Variants in KAT7 observed in about 807,000 individuals in gnomAD.
KAT7 encodes histone acetyltransferase KAT7.
In KAT7, 10 loss-of-function variants were observed where a neutral mutation model predicts 82.1. That is an observed-to-expected ratio of 0.12 (90% confidence interval 0.08 to 0.21). KAT7 has a LOEUF of 0.21. Among genes scored for constraint, KAT7 ranks in the 10% least tolerant of loss-of-function variants. KAT7 has a pLI of 1.00. For synonymous variants in KAT7, 250 were observed against 262.5 expected, an observed-to-expected ratio of 0.95 and a Z score of 0.46; for missense variants, 378 against 760.9, an observed-to-expected ratio of 0.50 and a Z score of 5.92.
chr17:49,795,375 G>A (rs765272299), intron 2 of KAT7: 3 of 221,520 alleles, frequency 1.4e-5, no homozygotes, highest in Admixed American at 5.1e-5. Context: ...AGTTCCTGAC[G>A]GAGCTGACCA....
intron 6 of KAT7, 111 bp downstream of exon 6, chr17:49,809,319 C>T: frequency 1.4e-6 from 1 of 721,772 alleles, no homozygotes; most frequent in Non-Finnish European, 2.4e-6. Flanking sequence ...GGTATATCTT[C>T]CAGATGTAAA....
intron 12 of KAT7, 39 bp from the exon 13 acceptor site, chr17:49,825,961 G>T: frequency 6.3e-7 from 1 of 1,586,026 alleles, no homozygotes; most frequent in Non-Finnish European, 8.6e-7. Context: ...GGATAAGATC[G>T]AGTGTTGCTA....
At chr17:49,816,639 C>T (rs762464034) in intron 8 of KAT7, among the ~76,000 whole-genome samples, 4 of 152,154 alleles carry the variant, frequency 2.6e-5, no homozygotes, top group South Asian at 2.1e-4. Context: ...TTGGCAGAGG[C>T]AGGGTTTGCT....
chr17:49,811,030 C>T (rs2074156979), intron 6 of KAT7, among the ~76,000 whole-genome samples: 1 of 152,028 alleles, frequency 6.6e-6, no homozygotes, highest in African/African-American at 2.4e-5. Flanking sequence ...AATAAAATTG[C>T]CATATGATTT....
chr17:49,818,035 C>T (rs1435830118), intron 9 of KAT7, 24 bp downstream of exon 9: 1 of 1,593,412 alleles, frequency 6.3e-7, no homozygotes, highest in Non-Finnish European at 8.6e-7. Flanking sequence ...GGTTCCTCTG[C>T]CTTGACCATG....
chr17:49,810,990 C>A (rs1038226210), intron 6 of KAT7, among the ~76,000 whole-genome samples: 4 of 151,982 alleles, frequency 2.6e-5, no homozygotes, highest in African/African-American at 9.7e-5. Context: ...CAGAGCGAGA[C>A]CCTGCCTCAA....
chr17:49,816,851 G>T (rs2074241057), intron 8 of KAT7, among the ~76,000 whole-genome samples: 2 of 151,112 alleles, frequency 1.3e-5, no homozygotes, highest in Non-Finnish European at 2.9e-5. Flanking sequence ...TTGCCCTGTT[G>T]CCCAAACTGG....
At chr17:49,819,097 T>A (rs916590475) in intron 9 of KAT7, among the ~76,000 whole-genome samples, 4 of 152,176 alleles carry the variant, frequency 2.6e-5, no homozygotes, top group African/African-American at 9.7e-5. Flanking sequence ...TCTTTTTCCT[T>A]CCCCTTCCTT....
At position 49,833,530 on chromosome 17, in the gene KAT7, G is replaced by A. The variant is rs1459279578; in HGVS notation, c.*6028G>A. The A allele has an allele frequency of 2.0e-5, 3 of 152,216 alleles. No individual in the cohort carries two copies. Among genetic ancestry groups the A allele is most frequent in the African/African-American group, 7.2e-5 (3 of 41,432 alleles). 9.4% of individuals were successfully genotyped at this position (152,216 alleles called of 1,614,324 possible). ...TGACTTGTTTTGACTAATAGGATAT[G>A]GAAGTGATATTTTGGCAGCTTCCAC... On this transcript the variant is annotated 3_prime_UTR_variant, in exon 15 of 15. Transcript: ENST00000259021.
chr17:49,830,090 C>T lies in KAT7; in HGVS notation c.*2588C>T, dbSNP rs557451509. On this transcript the variant is annotated 3_prime_UTR_variant, in exon 15 of 15. Coordinates refer to ENST00000259021, the MANE Select transcript of KAT7 (RefSeq NM_007067.5). The stretch of plus-strand genomic sequence containing the variant: ...ACAGGGTTTCGTCATGTTGGTCAGG[C>T]TGATCTCGAACTCCTGACCTCAGGT... 6.6e-5 allele frequency: 10 copies of T among 151,260 alleles called. No homozygotes were observed. The highest frequency in any genetic ancestry group is 3.9e-4 in the East Asian group (2 of 5,132). The allele number at this position is 151,260 out of a possible 1,614,324, so 9.4% of individuals were successfully genotyped here.
chr17:49,818,800 G>A (rs1322713814), intron 9 of KAT7, among the ~76,000 whole-genome samples: 6 of 151,308 alleles, frequency 4.0e-5, no homozygotes. Flanking sequence ...GTGCAGTGGC[G>A]CGATCTTGGC....
At chr17:49,818,036 C>T (rs750895829) in intron 9 of KAT7, 25 bp downstream of exon 9, 1 of 1,592,118 alleles carries the variant, frequency 6.3e-7, no homozygotes, top group Admixed American at 1.7e-5. Context: ...GTTCCTCTGC[C>T]TTGACCATGA....
chr17:49,789,475 C>T (rs1384467838), intron 1 of KAT7: 1 of 152,288 alleles, frequency 6.6e-6, no homozygotes, highest in East Asian at 1.9e-4. Context: ...TTTGCTAGTT[C>T]GACAGCGCCT....
At chr17:49,813,679 G>A (rs180798123) in intron 7 of KAT7, among the ~76,000 whole-genome samples, 1 of 152,166 alleles carries the variant, frequency 6.6e-6, no homozygotes, top group African/African-American at 2.4e-5. Flanking sequence ...CTATTTACAT[G>A]GCATTGACAT....
chr17:49,796,801 A>T lies in KAT7; in HGVS notation c.215A>T (p.Tyr72Phe). Reference sequence around the variant, plus strand: ...TCTTTTGGCACTGAGGAGCCTGCTTACTCTACCAGAAGAGTGACCCGTAGT... The same window carrying T: ...TCTTTTGGCACTGAGGAGCCTGCTTTCTCTACCAGAAGAGTGACCCGTAGT... ...LQSFGTEEPA[Y>F]STRRVTRSQQ... is the part of the protein sequence containing the mutation. Residue 72 changes from tyrosine to phenylalanine, a missense_variant, in exon 3 of 15, where the codon TAC (tyrosine) becomes TTC (phenylalanine). Physicochemically the swap from Tyr to Phe is conservative, Grantham distance 22. Around this residue, in one of 6 missense-constraint regions of KAT7, gnomAD observed 161 missense variants for 229.6 expected, o/e 0.70. Coordinates refer to ENST00000259021, the MANE Select transcript of KAT7 (RefSeq NM_007067.5). The T allele has an allele frequency of 6.2e-7, 1 of 1,613,760 alleles. No individual in the cohort carries two copies. The highest frequency in any genetic ancestry group is 8.5e-7 in the Non-Finnish European group (1 of 1,179,864).
intron 1 of KAT7, among the ~76,000 whole-genome samples, chr17:49,791,153 CT>C (rs2073882995): frequency 6.6e-6 from 1 of 152,110 alleles, no homozygotes; most frequent in Admixed American, 6.5e-5. Flanking sequence ...TGCTTAAATT[CT>C]TTTGGGATTA....
At chr17:49,814,686 T>A (rs1332243385) in intron 7 of KAT7, among the ~76,000 whole-genome samples, 1 of 152,138 alleles carries the variant, frequency 6.6e-6, no homozygotes, top group African/African-American at 2.4e-5. Flanking sequence ...CCTCCTTGAT[T>A]AAAATGCTGG....
In KAT7 at chr17:49,811,572, A is replaced by G; in HGVS notation, c.850A>G (p.Met284Val). The G allele has an allele frequency of 1.4e-6, 2 of 1,450,956 alleles. No homozygotes were observed. The highest frequency in any genetic ancestry group is 1.8e-4 in the Middle Eastern group (1 of 5,532). The allele number at this position is 1,450,956 out of a possible 1,614,324, so 89.9% of individuals were successfully genotyped here. A position where few individuals can be genotyped will look rare whatever the true frequency, so the allele number is the denominator to read the frequency against. Residue 284 changes from methionine (M) to valine (V), a missense_variant and splice_region_variant, in exon 7 of 15, where the codon ATG becomes GTG. Met to Val is a conservative substitution (Grantham distance 21). Around this residue, in one of 6 missense-constraint regions of KAT7, gnomAD observed 102 missense variants for 129.8 expected, o/e 0.79. Transcript: ENST00000259021. ...GAGCAAAGAACAGAAAGAGAAATATATGGTGAGGGAAAGTTAAATATTTAA... is the reference window on the plus strand; with the variant it reads ...GAGCAAAGAACAGAAAGAGAAATATGTGGTGAGGGAAAGTTAAATATTTAA... ...GLSKEQKEKYMEHRQTYGNTR... is the reference protein window; with the variant it reads ...GLSKEQKEKYVEHRQTYGNTR...
chr17:49,792,142 A>G (rs1324351661), intron 2 of KAT7, 109 bp downstream of exon 2: 19 of 1,010,740 alleles, frequency 1.9e-5, no homozygotes, highest in Non-Finnish European at 2.6e-5. Context: ...GGTGTAGATG[A>G]CAGTGCACCA....
Sources: gnomAD v4.1 joint callset for allele counts (sites outside exome capture counted in the v4.1 genomes callset) on GRCh38, gnomAD v4.1.1 for gene constraint, gnomAD v4.1.1 regional missense constraint, MANE v1.5 for transcripts, NCBI Gene and HGNC (gene_info 2026-07-23, HGNC 2026-07-21) for gene names.